ANGPT1: variants seen among roughly 807,000 people sequenced by gnomAD.
The protein encoded by ANGPT1 is angiopoietin 1.
In ANGPT1, 17 loss-of-function variants were observed where a neutral mutation model predicts 62.2. That is an observed-to-expected ratio of 0.27 (90% confidence interval 0.19 to 0.41). The LOEUF (loss-of-function observed/expected upper bound fraction) is 0.41. ANGPT1 is among the 10% of genes least tolerant of loss of function. ANGPT1 has a pLI of 1.00. For missense variants in ANGPT1, 478 were observed against 594.9 expected (o/e 0.80, Z 2.04); for synonymous variants, 199 against 198.9 (o/e 1.00, Z 0.00).
intron 1 of ANGPT1, among the ~76,000 whole-genome samples, chr8:107,476,630 G>A (rs79434109): frequency 0.053 from 7,995 of 152,014 alleles, 243 homozygotes; most frequent in South Asian, 0.11. Flanking sequence ...CCTTAGGATC[G>A]TCGTTTCCTC....
intron 8 of ANGPT1, among the ~76,000 whole-genome samples, chr8:107,262,794 T>C (rs924020290): frequency 6.6e-6 from 1 of 152,220 alleles, no homozygotes; most frequent in Non-Finnish European, 1.5e-5. Flanking sequence ...ATTTTGTTTG[T>C]TGTCAACTCC....
intron 1 of ANGPT1, among the ~76,000 whole-genome samples, chr8:107,451,986 A>G (rs1811789989): frequency 6.6e-6 from 1 of 151,654 alleles, no homozygotes; most frequent in African/African-American, 2.4e-5. Flanking sequence ...TTTTTATTTT[A>G]TACTTTATAT....
intron 1 of ANGPT1, among the ~76,000 whole-genome samples, chr8:107,426,230 C>T (rs1158308753): frequency 6.6e-6 from 1 of 152,092 alleles, no homozygotes; most frequent in Non-Finnish European, 1.5e-5. Context: ...AGGCTTCACT[C>T]ACTGCCAGAT....
At chr8:107,449,400 G>GCACACACACA (rs10537811) in intron 1 of ANGPT1, among the ~76,000 whole-genome samples, 466 of 148,204 alleles carry the variant, frequency 3.1e-3, no homozygotes, top group African/African-American at 4.9e-3. Flanking sequence ...ACACACACAT[G>GCACACACACA]CACACACACA....
chr8:107,300,442 A>G (rs972859973), intron 5 of ANGPT1, among the ~76,000 whole-genome samples: 2 of 151,734 alleles, frequency 1.3e-5, no homozygotes, highest in Non-Finnish European at 2.9e-5. Context: ...ATAATAGGGA[A>G]ATAATAAAAC....
chr8:107,382,028 C>A (rs553810540), intron 1 of ANGPT1, among the ~76,000 whole-genome samples: 1 of 152,096 alleles, frequency 6.6e-6, no homozygotes, highest in Non-Finnish European at 1.5e-5. Context: ...AATTTTTACT[C>A]TAAATTATTG....
chr8:107,288,037 T>C (rs1001677168), intron 6 of ANGPT1, among the ~76,000 whole-genome samples: 20 of 152,240 alleles, frequency 1.3e-4, no homozygotes, highest in African/African-American at 4.3e-4. Context: ...ACAAGTTCCT[T>C]TCTACTTTGT....
intron 3 of ANGPT1, among the ~76,000 whole-genome samples, chr8:107,328,915 C>T (rs1563571439): frequency 6.6e-6 from 1 of 151,722 alleles, no homozygotes; most frequent in East Asian, 1.9e-4. Flanking sequence ...TATCTATTAA[C>T]ATAAATAATA....
rs559564035 is a variant in ANGPT1 at position 107,249,549 on chromosome 8, T to C, written c.*2306A>G. 2.0e-5 allele frequency: 3 copies of C among 152,206 alleles called. No individual in the cohort carries two copies. Among genetic ancestry groups the C allele is most frequent in the Admixed American group, 6.5e-5 (1 of 15,278 alleles). 9.4% of individuals were successfully genotyped at this position (152,206 alleles called of 1,614,324 possible). On this transcript the variant is annotated 3_prime_UTR_variant, in exon 9 of 9. Coordinates refer to ENST00000517746, the MANE Select transcript of ANGPT1 (RefSeq NM_001146.5). ...TTGTGATGATATGAAGAACTTTGCA[T>C]AGAAACCACATGAATTTTAAAGACA...
intron 7 of ANGPT1, among the ~76,000 whole-genome samples, chr8:107,274,357 G>C (rs1339728629): frequency 6.6e-6 from 1 of 152,104 alleles, no homozygotes; most frequent in African/African-American, 2.4e-5. Context: ...GATTTCAAAA[G>C]AACTATAATA....
chr8:107,356,607 T>C (rs574982838), intron 1 of ANGPT1, among the ~76,000 whole-genome samples: 33 of 152,288 alleles, frequency 2.2e-4, no homozygotes, highest in Admixed American at 2.0e-3. Context: ...GCAACAGAGT[T>C]AGAGCTTATA....
chr8:107,439,496 C>T (rs1455382920), intron 1 of ANGPT1, among the ~76,000 whole-genome samples: 1 of 152,124 alleles, frequency 6.6e-6, no homozygotes, highest in Admixed American at 6.5e-5. Context: ...TTATGGCTGT[C>T]AGAGAGCTTG....
intron 1 of ANGPT1, among the ~76,000 whole-genome samples, chr8:107,471,841 T>A (rs1021638405): frequency 1.3e-5 from 2 of 152,120 alleles, no homozygotes; most frequent in Non-Finnish European, 2.9e-5. Flanking sequence ...ACCATACTTG[T>A]CTATCAAATT....
Position 107,497,539 on chromosome 8 carries a change from A to C in ANGPT1, c.20T>G (p.Phe7Cys), listed in dbSNP as rs754541031. The C allele has an allele frequency of 6.2e-7, 1 of 1,613,956 alleles. No homozygotes were observed. The highest frequency in any genetic ancestry group is 8.5e-7 in the Non-Finnish European group (1 of 1,179,922). The part of the protein sequence containing the change: MTVFLS[F>C]AFLAAILTHI... ...AGTCAGAATGGCAGCGAGGAAAGCAAAGGAAAGGAAAACTGTCATTGTACT... is the reference window on the plus strand; with the variant it reads ...AGTCAGAATGGCAGCGAGGAAAGCACAGGAAAGGAAAACTGTCATTGTACT... Residue 7 changes from phenylalanine (F) to cysteine (C), a missense_variant, in exon 1 of 9, where the codon TTT becomes TGT. Coordinates refer to ENST00000517746, the MANE Select transcript of ANGPT1 (RefSeq NM_001146.5).
chr8:107,387,899 G>T (rs1816762544), intron 1 of ANGPT1, among the ~76,000 whole-genome samples: 1 of 151,934 alleles, frequency 6.6e-6, no homozygotes, highest in Non-Finnish European at 1.5e-5. Context: ...TAAAATGTCT[G>T]AATCCCAACT....
At chr8:107,457,730 G>A (rs1811955669) in intron 1 of ANGPT1, among the ~76,000 whole-genome samples, 1 of 151,472 alleles carries the variant, frequency 6.6e-6, no homozygotes, top group Admixed American at 6.6e-5. Context: ...GAAACGAGTA[G>A]TTAGTTTCAC....
intron 1 of ANGPT1, among the ~76,000 whole-genome samples, chr8:107,429,508 T>C (rs1811122797): frequency 6.6e-6 from 1 of 152,188 alleles, no homozygotes; most frequent in Admixed American, 6.5e-5. Flanking sequence ...GGAGCTTGCT[T>C]TCTGAGAGAT....
At chr8:107,484,002 A>T (rs1157833104) in intron 1 of ANGPT1, among the ~76,000 whole-genome samples, 1 of 152,254 alleles carries the variant, frequency 6.6e-6, no homozygotes, top group Admixed American at 6.5e-5. Flanking sequence ...CAGGCTTCTT[A>T]CAGCAATTTA....
intron 6 of ANGPT1, among the ~76,000 whole-genome samples, chr8:107,290,238 A>G (rs1042497657): frequency 1.3e-5 from 2 of 152,176 alleles, no homozygotes; most frequent in African/African-American, 4.8e-5. Context: ...CAGCCCATAG[A>G]TATCAATCAC....
Sources: allele counts gnomAD v4.1 joint callset (sites outside exome capture counted in the v4.1 genomes callset), GRCh38; gene constraint gnomAD v4.1.1; transcripts MANE v1.5; gene names NCBI Gene and HGNC (gene_info 2026-07-23, HGNC 2026-07-21).